The following B4GALT5 variants were observed in gnomAD, a reference collection of about 807,000 sequenced individuals.
B4GALT5 encodes beta-1,4-galactosyltransferase 5.
A neutral mutation model predicts 45.0 loss-of-function variants in B4GALT5; 11 were observed. The observed-to-expected ratio is 0.24, with a 90% CI of 0.15 to 0.40. The LOEUF is 0.40. Ranked by LOEUF, B4GALT5 falls within the 10% of genes least tolerant of loss-of-function variation. The probability of loss-of-function intolerance (pLI) is 1.00; values close to 1 mark genes in which losing one functional copy is unlikely to be tolerated. For missense variants in B4GALT5, 337 were observed against 500.2 expected (o/e 0.67, Z 3.11); for synonymous variants, 185 against 182.9 (o/e 1.01, Z -0.09).
intron 1 of B4GALT5, among the ~76,000 whole-genome samples, chr20:49,703,475 T>C (rs1049557257): frequency 2.6e-5 from 4 of 152,184 alleles, no homozygotes; most frequent in Non-Finnish European, 1.5e-5. Flanking sequence ...CTGGGCACCA[T>C]CCTAGGCACA....
At chr20:49,673,895 A>AT (rs1897949072) in intron 1 of B4GALT5, among the ~76,000 whole-genome samples, 1 of 152,000 alleles carries the variant, frequency 6.6e-6, no homozygotes, top group Non-Finnish European at 1.5e-5. Flanking sequence ...TAATGCTTTT[A>AT]TTGTGTTATT....
chr20:49,659,150 ACT>A lies in B4GALT5; in HGVS notation c.116-2450_116-2449del, dbSNP rs1211039842. On this transcript the variant is annotated intron_variant, in intron 1 of 8. Transcript: ENST00000371711. The stretch of plus-strand genomic sequence containing the variant: ...AAGCACCCACATGGCTTAAATGCTT[ACT>A]CTTAAGGAGATAGCTCTCACATCTT... Among the ~76,000 whole-genome samples the A allele has an allele frequency of 2.6e-5, 4 of 152,190 alleles. No homozygotes were observed. In the East Asian group the frequency reaches 7.7e-4, roughly 29 times the overall value.
In B4GALT5 at chr20:49,656,473, A is replaced by G. The variant is rs940775138; in HGVS notation, c.250+95T>C. ...AACTCAGCCAAATCCCTCTTTTACAATGCGCTTTTCCCATTGAAAATAATT... is the reference window on the plus strand; with the variant it reads ...AACTCAGCCAAATCCCTCTTTTACAGTGCGCTTTTCCCATTGAAAATAATT... On this transcript the variant is annotated intron_variant, in intron 2 of 8. Transcript: ENST00000371711. 3 of 1,498,004 alleles carry G rather than the reference A, an allele frequency of 2.0e-6. No homozygotes were observed. In the African/African-American group the frequency reaches 4.2e-5, roughly 21 times the overall value. The allele number at this position is 1,498,004 out of a possible 1,614,324, so 92.8% of individuals were successfully genotyped here. A position where few individuals can be genotyped will look rare whatever the true frequency, so the allele number is the denominator to read the frequency against.
In B4GALT5 at chr20:49,681,671, C is replaced by T. The variant is rs369095367; in HGVS notation, c.116-24969G>A. Reference sequence around the variant, plus strand: ...CTTCCCGTCCACAAACCTGTTCTACCGCAGTCTTCCCATCCTGGTTAATGG... The same window carrying T: ...CTTCCCGTCCACAAACCTGTTCTACTGCAGTCTTCCCATCCTGGTTAATGG... On this transcript the variant is annotated intron_variant, in intron 1 of 8. Coordinates refer to ENST00000371711, the MANE Select transcript of B4GALT5 (RefSeq NM_004776.4). Among the ~76,000 whole-genome samples, 10 of 152,232 alleles carry T rather than the reference C, an allele frequency of 6.6e-5. No homozygotes were observed. The South Asian group carries it at 1.9e-3, about 28-fold the overall frequency.
At chr20:49,685,123 A>G (rs1358951001) in intron 1 of B4GALT5, among the ~76,000 whole-genome samples, 1 of 152,232 alleles carries the variant, frequency 6.6e-6, no homozygotes, top group East Asian at 1.9e-4. Flanking sequence ...CTGTCACTCT[A>G]GGAAACTTCT....
chr20:49,702,556 G>T (rs1028386839), intron 1 of B4GALT5, among the ~76,000 whole-genome samples: 2 of 151,956 alleles, frequency 1.3e-5, no homozygotes, highest in African/African-American at 4.8e-5. Flanking sequence ...TTCAGAATCC[G>T]TAAAGAACTC....
At chr20:49,706,882 C>G (rs1401724184) in intron 1 of B4GALT5, among the ~76,000 whole-genome samples, 1 of 152,164 alleles carries the variant, frequency 6.6e-6, no homozygotes, top group South Asian at 2.1e-4. Flanking sequence ...CTTCCAAGAT[C>G]TAAAAAGCAG....
chr20:49,711,260 A>G (rs2085910190), intron 1 of B4GALT5, among the ~76,000 whole-genome samples: 1 of 152,190 alleles, frequency 6.6e-6, no homozygotes, highest in African/African-American at 2.4e-5. Context: ...CCTCTTTTTC[A>G]GCTATCAGTG....
At chr20:49,713,522 C>G (rs1320171605) in intron 1 of B4GALT5, 54 bp downstream of exon 1, 1 of 1,521,098 alleles carries the variant, frequency 6.6e-7, no homozygotes. Flanking sequence ...GGGGATTCCC[C>G]GGGTCCCTCA....
chr20:49,702,543 T>C (rs1248994391), intron 1 of B4GALT5, among the ~76,000 whole-genome samples: 5 of 152,254 alleles, frequency 3.3e-5, no homozygotes, highest in African/African-American at 1.2e-4. Context: ...AGGTTTAATA[T>C]TATTCAGAAT....
chr20:49,657,051 T>C (rs1364483084), intron 1 of B4GALT5, among the ~76,000 whole-genome samples: 2 of 151,954 alleles, frequency 1.3e-5, no homozygotes, highest in Non-Finnish European at 2.9e-5. Context: ...TTTTTTTTTT[T>C]AAAGGTTTCT....
At chr20:49,701,964 C>T (rs371722206) in intron 1 of B4GALT5, among the ~76,000 whole-genome samples, 18 of 152,174 alleles carry the variant, frequency 1.2e-4, no homozygotes, top group African/African-American at 3.4e-4. Context: ...ACTCAGGAGG[C>T]GGAGACAGGA....
chr20:49,696,180 G>A (rs1410076906), intron 1 of B4GALT5, among the ~76,000 whole-genome samples: 1 of 152,138 alleles, frequency 6.6e-6, no homozygotes, highest in Admixed American at 6.6e-5. Flanking sequence ...ATCATTCAAA[G>A]TTTACTCACT....
chr20:49,686,523 T>G (rs1188946640), intron 1 of B4GALT5, among the ~76,000 whole-genome samples: 10 of 148,782 alleles, frequency 6.7e-5, no homozygotes, highest in African/African-American at 2.0e-4. Context: ...AGCCAATGGT[T>G]AAAAAAAAAA....
intron 1 of B4GALT5, among the ~76,000 whole-genome samples, chr20:49,660,658 C>T (rs1305453132): frequency 1.3e-5 from 2 of 152,160 alleles, no homozygotes; most frequent in African/African-American, 2.4e-5. Flanking sequence ...TTATACAAAT[C>T]AAACTGTAGG....
intron 1 of B4GALT5, among the ~76,000 whole-genome samples, chr20:49,682,040 G>A (rs780624201): frequency 4.6e-5 from 7 of 152,202 alleles, no homozygotes; most frequent in Non-Finnish European, 1.0e-4. Flanking sequence ...AGGTTGTAGT[G>A]AGCTTCCATT....
At chr20:49,698,776 G>A (rs999824262) in intron 1 of B4GALT5, among the ~76,000 whole-genome samples, 5 of 152,128 alleles carry the variant, frequency 3.3e-5, no homozygotes, top group African/African-American at 1.2e-4. Flanking sequence ...AGGAAGGCAC[G>A]GGTAGTAGCC....
chr20:49,670,724 T>C (rs1242006170), intron 1 of B4GALT5, among the ~76,000 whole-genome samples: 3 of 152,206 alleles, frequency 2.0e-5, no homozygotes, highest in Non-Finnish European at 4.4e-5. Context: ...AAAAGACTGA[T>C]ACCTGTTCTA....
chr20:49,637,797 G>A (rs995025849), intron 7 of B4GALT5, among the ~76,000 whole-genome samples: 1 of 151,622 alleles, frequency 6.6e-6, no homozygotes, highest in Non-Finnish European at 1.5e-5. Flanking sequence ...AAATTAGCCA[G>A]GCGTGGTGGT....
Sources: allele counts gnomAD v4.1 joint callset (sites outside exome capture counted in the v4.1 genomes callset), GRCh38; gene constraint gnomAD v4.1.1; transcripts MANE v1.5; gene names NCBI Gene and HGNC (gene_info 2026-07-23, HGNC 2026-07-21).